ZNF536: variants seen among roughly 807,000 people sequenced by gnomAD.
ZNF536 encodes zinc finger protein 536.
In ZNF536, 13 loss-of-function variants were observed where a neutral mutation model predicts 84.5. That is an observed-to-expected ratio of 0.15 (90% CI 0.10 to 0.24). The LOEUF is 0.24. Among genes scored for constraint, ZNF536 ranks in the 10% least tolerant of loss-of-function variants. ZNF536 has a pLI of 1.00. For missense variants in ZNF536, 1,536 were observed against 1,747.5 expected (o/e 0.88, Z 2.16); for synonymous variants, 811 against 742.5 (o/e 1.09, Z -1.50).
chr19:30,568,081 C>T (rs772253003), intron 1 of ZNF536, among the ~76,000 whole-genome samples: 1 of 152,128 alleles, frequency 6.6e-6, no homozygotes, highest in Non-Finnish European at 1.5e-5. Flanking sequence ...CGCAGATGTA[C>T]AAATTAGGTA....
intron 1 of ZNF536, among the ~76,000 whole-genome samples, chr19:30,681,581 A>G (rs769563427): frequency 3.3e-5 from 5 of 152,176 alleles, no homozygotes; most frequent in Admixed American, 2.6e-4. Flanking sequence ...TGGAGTCCTA[A>G]GGGCCCCTCC....
chr19:30,446,855 C>T (rs2052376713), intron 2 of ZNF536, among the ~76,000 whole-genome samples: 1 of 150,780 alleles, frequency 6.6e-6, no homozygotes, highest in Admixed American at 6.6e-5. Flanking sequence ...ACGCTAGCCT[C>T]AGACGGCTAA....
At chr19:30,389,788 C>A (rs1418959396) in intron 1 of ZNF536, among the ~76,000 whole-genome samples, 1 of 152,180 alleles carries the variant, frequency 6.6e-6, no homozygotes, top group African/African-American at 2.4e-5. Flanking sequence ...AAGCAGATAG[C>A]AGAGAGCTGC....
At chr19:30,229,571 T>TG (rs60120185) in intron 1 of ZNF536, among the ~76,000 whole-genome samples, 164 of 151,482 alleles carry the variant, frequency 1.1e-3, no homozygotes, top group African/African-American at 2.4e-3. Flanking sequence ...CTGCGGGTGG[T>TG]GGGGGGGGCT....
intron 1 of ZNF536, among the ~76,000 whole-genome samples, chr19:30,234,653 C>T (rs1241863261): frequency 1.3e-5 from 2 of 152,002 alleles, no homozygotes; most frequent in African/African-American, 4.8e-5. Context: ...CCACCTGCCT[C>T]AGCCTCCCAA....
upstream of ZNF536, among the ~76,000 whole-genome samples, chr19:30,368,344 C>T (rs1166001487): frequency 6.6e-6 from 1 of 152,232 alleles, no homozygotes; most frequent in African/African-American, 2.4e-5. Flanking sequence ...CACACTACGG[C>T]TGCAAAACTC....
chr19:30,703,450 C>A (rs1192604832), intron 1 of ZNF536, among the ~76,000 whole-genome samples: 1 of 152,166 alleles, frequency 6.6e-6, no homozygotes, highest in Admixed American at 6.5e-5. Context: ...TGGCAAGAGG[C>A]CTCACCCACA....
intron 2 of ZNF536, among the ~76,000 whole-genome samples, chr19:30,471,907 C>T (rs192849863): frequency 6.6e-6 from 1 of 152,026 alleles, no homozygotes; most frequent in African/African-American, 2.4e-5. Flanking sequence ...CTCAAAGCAG[C>T]ATTTTTTTTT....
chr19:30,454,322 T>C (rs911728477), intron 2 of ZNF536, among the ~76,000 whole-genome samples: 2 of 152,174 alleles, frequency 1.3e-5, no homozygotes, highest in African/African-American at 4.8e-5. Flanking sequence ...CTTCTCTTCA[T>C]TAAAGTAATG....
At position 30,237,266 on chromosome 19, in the gene ZNF536, G is replaced by A. The variant is rs572581210; in HGVS notation, c.-190+8593G>A. ...TAATTTGTTCATTGATCTGAAGAAT[G>A]AGTGGTTTCCAGCTGCTTCCTTCCC... On this transcript the variant is annotated intron_variant, in intron 1 of 5. Transcript: ENST00000585628. Among the ~76,000 whole-genome samples the A allele has an allele frequency of 3.3e-4, 51 of 152,274 alleles. No individual in the cohort carries two copies. The South Asian group carries it at 0.01, about 31-fold the overall frequency.
intron 3 of ZNF536, among the ~76,000 whole-genome samples, chr19:30,540,417 C>T (rs2045283157): frequency 6.6e-6 from 1 of 152,222 alleles, no homozygotes; most frequent in African/African-American, 2.4e-5. Context: ...ACACAGAACT[C>T]AGCCCGCAGG....
intron 2 of ZNF536, among the ~76,000 whole-genome samples, chr19:30,528,877 G>A (rs2044692831): frequency 1.3e-5 from 2 of 151,164 alleles, no homozygotes; most frequent in Non-Finnish European, 1.5e-5. Context: ...CCCAACATCA[G>A]TATCTTCTTT....
chr19:30,365,977 G>A (rs2048416929), intron 3 of ZNF536, among the ~76,000 whole-genome samples: 1 of 152,000 alleles, frequency 6.6e-6, no homozygotes, highest in African/African-American at 2.4e-5. Context: ...ATCTTGCTAT[G>A]TGTCTGGTGA....
At chr19:30,631,265 C>G (rs549800067) in intron 1 of ZNF536, among the ~76,000 whole-genome samples, 52 of 152,344 alleles carry the variant, frequency 3.4e-4, no homozygotes, top group African/African-American at 1.2e-3. Context: ...CCTTGCCACC[C>G]ACACTCGCTT....
intron 1 of ZNF536, among the ~76,000 whole-genome samples, chr19:30,701,703 A>G (rs1427545513): frequency 6.6e-6 from 1 of 152,194 alleles, no homozygotes. Flanking sequence ...GCAGGTGGAG[A>G]GACGAGCATT....
rs114108501 is a variant in ZNF536 at position 30,474,935 on chromosome 19, C to T, written c.2170+29203C>T. Among the ~76,000 whole-genome samples, 1,179 of 148,654 alleles carry T rather than the reference C, an allele frequency of 7.9e-3. 14 individuals are homozygous for T. The highest frequency in any genetic ancestry group is 0.027 in the African/African-American group (1,096 of 40,492). On this transcript the variant is annotated intron_variant, in intron 2 of 4. Coordinates refer to ENST00000355537, the MANE Select transcript of ZNF536 (RefSeq NM_014717.3). Reference sequence around the variant, plus strand: ...ATTCTCCCCCCACATCCCCCCTTTCCTCTCTCCTACCTGTCCCTTCCCTTC... The same window carrying T: ...ATTCTCCCCCCACATCCCCCCTTTCTTCTCTCCTACCTGTCCCTTCCCTTC...
At chr19:30,232,293 T>C (rs911413701) in intron 1 of ZNF536, among the ~76,000 whole-genome samples, 2 of 152,162 alleles carry the variant, frequency 1.3e-5, no homozygotes, top group Non-Finnish European at 2.9e-5. Flanking sequence ...ATTTTTCAAC[T>C]TTTATTTTAG....
rs567616537 is a variant in ZNF536, at chr19:30,252,970, C to T, written c.-190+24297C>T. ...GCTTTAAAGAAGGTAGAGAATGTTT[C>T]GAAATGCTGATGATGATGGTGATGG... On this transcript the variant is annotated intron_variant, in intron 1 of 5. Transcript: ENST00000585628. Among the ~76,000 whole-genome samples, 12 of 152,258 alleles carry T rather than the reference C, an allele frequency of 7.9e-5. No homozygotes were observed. In the South Asian group the frequency reaches 1.2e-3, roughly 16 times the overall value.
At position 30,494,940 on chromosome 19, in the gene ZNF536, C is replaced by T. The variant is rs1053611758; in HGVS notation, c.2171-39907C>T. On this transcript the variant is annotated intron_variant, in intron 2 of 4. Transcript: ENST00000355537. Reference sequence around the variant, plus strand: ...CAGCCTGGGCAACAGAGTGAGACTCCGTCTCAAAAAAGAAAAAAAAAAAAA... The same window carrying T: ...CAGCCTGGGCAACAGAGTGAGACTCTGTCTCAAAAAAGAAAAAAAAAAAAA... Among the ~76,000 whole-genome samples, 81 of 130,132 alleles carry T rather than the reference C, an allele frequency of 6.2e-4. 1 individual carries two copies. The highest frequency in any genetic ancestry group is 8.6e-4 in the Non-Finnish European group (56 of 65,378). The allele number at this position is 130,132 out of a possible 152,430, so 85.4% of individuals were successfully genotyped here. A position where few individuals can be genotyped will look rare whatever the true frequency, so the allele number is the denominator to read the frequency against.
Sources: gnomAD v4.1 joint callset for allele counts (sites outside exome capture counted in the v4.1 genomes callset) on GRCh38, gnomAD v4.1.1 for gene constraint, MANE v1.5 for transcripts, NCBI Gene and HGNC (gene_info 2026-07-23, HGNC 2026-07-21) for gene names.